The following WWOX variants were observed in gnomAD, a reference collection of about 807,000 sequenced individuals.
WWOX encodes WW domain-containing oxidoreductase.
In WWOX, 69 loss-of-function variants were observed where a neutral mutation model predicts 46.2. That is an observed-to-expected ratio of 1.49 (90% CI 1.23 to 1.82). WWOX has a LOEUF of 1.82. Among genes scored for constraint, WWOX ranks in the 40% most tolerant of loss-of-function variants. The pLI is 0.00. For missense variants in WWOX, 919 were observed against 542.6 expected (o/e 1.69, Z -6.89); for synonymous variants, 359 against 202.6 (o/e 1.77, Z -6.56).
intron 5 of WWOX, among the ~76,000 whole-genome samples, chr16:78,248,900 C>T (rs1163405017): frequency 2.9e-4 from 38 of 130,724 alleles, no homozygotes; most frequent in African/African-American, 1.0e-3. Context: ...CAGAGTCTTG[C>T]TCCATCACCA....
chr16:79,105,736 C>T (rs1010362945), intron 8 of WWOX, among the ~76,000 whole-genome samples: 1 of 151,232 alleles, frequency 6.6e-6, no homozygotes, highest in African/African-American at 2.4e-5. Context: ...AATCTTGGCT[C>T]ACTGCAACCT....
At chr16:78,162,394 A>G (rs909076714) in intron 4 of WWOX, among the ~76,000 whole-genome samples, 3 of 152,068 alleles carry the variant, frequency 2.0e-5, no homozygotes, top group Admixed American at 1.3e-4. Flanking sequence ...ATGTGTATAT[A>G]TGTGTATCTA....
At chr16:78,336,304 C>T (rs1419631419) in intron 5 of WWOX, among the ~76,000 whole-genome samples, 1 of 142,032 alleles carries the variant, frequency 7.0e-6, no homozygotes, top group Admixed American at 7.5e-5. Flanking sequence ...GAAACCCCAT[C>T]CCTACTAAAA....
Position 78,432,605 on chromosome 16 carries a change from C to T in WWOX, c.909C>T (p.Phe303=), listed in dbSNP as rs2083251216. The T allele has an allele frequency of 5.6e-6, 9 of 1,614,246 alleles. No homozygotes were observed. Among genetic ancestry groups the T allele is most frequent in the Non-Finnish European group, 7.6e-6 (9 of 1,180,046 alleles). The part of the protein sequence containing the change: ...YNRSKLCNIL[F]SNELHRRLSP... ...GGTCCAAGCTCTGCAACATCCTCTT[C>T]TCCAACGAGCTGCACCGTCGCCTCT... Residue 303 remains phenylalanine (F), a synonymous_variant, in exon 8 of 9, where the codon TTC becomes TTT. Coordinates refer to ENST00000566780, the MANE Select transcript of WWOX (RefSeq NM_016373.4).
In WWOX at chr16:78,888,205, C is replaced by T. The variant is rs1266968086; in HGVS notation, c.1057-323403C>T. Among the ~76,000 whole-genome samples the T allele has an allele frequency of 2.0e-5, 3 of 152,176 alleles. No homozygotes were observed. The South Asian group carries it at 6.2e-4, about 32-fold the overall frequency. On this transcript the variant is annotated intron_variant, in intron 8 of 8. Coordinates refer to ENST00000566780, the MANE Select transcript of WWOX (RefSeq NM_016373.4). ...GCTGATTCCTGCATAAAATGTTTAA[C>T]CCTACCCAAGGTGTTGGGCAACTGG...
intron 8 of WWOX, among the ~76,000 whole-genome samples, chr16:78,490,115 G>T (rs2084741814): frequency 7.1e-6 from 1 of 141,118 alleles, no homozygotes. Flanking sequence ...TAAACGATTT[G>T]TTCAGATTGG....
chr16:78,700,689 C>T (rs918903137), intron 8 of WWOX, among the ~76,000 whole-genome samples: 1 of 152,134 alleles, frequency 6.6e-6, no homozygotes, highest in Admixed American at 6.6e-5. Context: ...CATTCCTGGG[C>T]CTGCAGTGAG....
At chr16:78,825,241 G>A (rs2051618262) in intron 8 of WWOX, 1 of 234,966 alleles carries the variant, frequency 4.3e-6, no homozygotes, top group African/African-American at 2.3e-5. Context: ...ATCTAAGAGA[G>A]GCACAATCTG....
At chr16:78,381,080 G>A (rs12446075) in intron 5 of WWOX, among the ~76,000 whole-genome samples, 95,798 of 152,024 alleles carry the variant, frequency 0.63, 31,551 homozygotes, top group Non-Finnish European at 0.69. Flanking sequence ...TGGACATACT[G>A]GGCTGTAGTT....
At chr16:78,759,775 T>TA (rs1395497684) in intron 8 of WWOX, among the ~76,000 whole-genome samples, 2 of 152,150 alleles carry the variant, frequency 1.3e-5, no homozygotes, top group East Asian at 3.9e-4. Flanking sequence ...TGTCTTATCT[T>TA]ACAGTTCTGA....
chr16:79,067,702 C>T (rs188861711), intron 8 of WWOX, among the ~76,000 whole-genome samples: 262 of 152,226 alleles, frequency 1.7e-3, no homozygotes, highest in Non-Finnish European at 3.1e-3. Context: ...GTCTTTCCCG[C>T]AAGAAGGTAA....
At chr16:78,693,981 C>T (rs539402586) in intron 8 of WWOX, among the ~76,000 whole-genome samples, 1 of 152,030 alleles carries the variant, frequency 6.6e-6, no homozygotes, top group African/African-American at 2.4e-5. Flanking sequence ...ACCTGTAATC[C>T]CAGCACTTTA....
At chr16:78,380,945 T>C (rs894469602) in intron 5 of WWOX, among the ~76,000 whole-genome samples, 1 of 152,182 alleles carries the variant, frequency 6.6e-6, no homozygotes, top group Non-Finnish European at 1.5e-5. Context: ...GCTTGTACCT[T>C]ATATTCACTC....
At chr16:78,118,457 C>G (rs2032922072) in intron 4 of WWOX, among the ~76,000 whole-genome samples, 1 of 152,150 alleles carries the variant, frequency 6.6e-6, no homozygotes, top group Admixed American at 6.5e-5. Flanking sequence ...TGGAGATGAA[C>G]AAACTGCCAT....
chr16:78,788,432 C>A (rs1442571961), intron 8 of WWOX, among the ~76,000 whole-genome samples: 3 of 152,174 alleles, frequency 2.0e-5, no homozygotes, highest in Non-Finnish European at 2.9e-5. Context: ...AGTCTTCAGA[C>A]CCTCCCCAGA....
intron 8 of WWOX, among the ~76,000 whole-genome samples, chr16:78,775,884 A>C (rs1270300567): frequency 6.6e-6 from 1 of 152,178 alleles, no homozygotes; most frequent in Non-Finnish European, 1.5e-5. Context: ...ACAGTATATC[A>C]TGAGCCCCTG....
intron 8 of WWOX, among the ~76,000 whole-genome samples, chr16:78,472,321 T>A (rs1255040163): frequency 1.3e-5 from 2 of 152,172 alleles, no homozygotes; most frequent in African/African-American, 4.8e-5. Context: ...TGCTGCATAT[T>A]CCAAGCCTGT....
intron 8 of WWOX, among the ~76,000 whole-genome samples, chr16:79,133,465 C>T (rs769934903): frequency 5.9e-5 from 9 of 152,284 alleles, no homozygotes; most frequent in East Asian, 3.9e-4. Flanking sequence ...AGAACGAGTA[C>T]GGTCTCTAAC....
intron 8 of WWOX, among the ~76,000 whole-genome samples, chr16:79,161,072 G>A (rs74035096): frequency 0.011 from 1,704 of 152,138 alleles, 37 homozygotes; most frequent in African/African-American, 0.04. Context: ...TCACTTTTCC[G>A]CACAAACACC....
Sources: gnomAD v4.1 joint callset for allele counts (sites outside exome capture counted in the v4.1 genomes callset) on GRCh38, gnomAD v4.1.1 for gene constraint, MANE v1.5 for transcripts, NCBI Gene and HGNC (gene_info 2026-07-23, HGNC 2026-07-21) for gene names.